Variants in HSD17B3 observed in about 807,000 individuals in gnomAD.
The protein encoded by HSD17B3 is 17-beta-hydroxysteroid dehydrogenase type 3.
A neutral mutation model predicts 41.1 loss-of-function variants in HSD17B3; 29 were observed. The ratio of observed to expected loss-of-function variants is 0.71; its 90% CI spans 0.53 to 0.96. The LOEUF (loss-of-function observed/expected upper bound fraction) is 0.96. Ranked by LOEUF, HSD17B3 falls within the 40% of genes least tolerant of loss-of-function variation. The pLI is 0.00. For missense variants in HSD17B3, 323 were observed against 374.6 expected (o/e 0.86, Z 1.14); for synonymous variants, 126 against 145.6 (o/e 0.87, Z 0.97).
chr9:96,258,479 A>T (rs1825746231), intron 2 of HSD17B3, among the ~76,000 whole-genome samples: 1 of 152,156 alleles, frequency 6.6e-6, no homozygotes, highest in African/African-American at 2.4e-5. Flanking sequence ...ATCAATCTCC[A>T]CGCCAGGGCC....
intron 2 of HSD17B3, among the ~76,000 whole-genome samples, chr9:96,284,363 C>T (rs114784340): frequency 1.4e-4 from 21 of 151,988 alleles, no homozygotes; most frequent in African/African-American, 4.8e-4. Flanking sequence ...AAGTATACTA[C>T]TGTGAACAAA....
chr9:96,276,421 A>T (rs1826461841), intron 2 of HSD17B3, among the ~76,000 whole-genome samples: 1 of 152,222 alleles, frequency 6.6e-6, no homozygotes. Flanking sequence ...TTCATATGGA[A>T]CCACAAAAGA....
chr9:96,235,755 A>G (rs1050520585), intron 10 of HSD17B3, among the ~76,000 whole-genome samples, 185 bp from the exon 11 acceptor site: 1 of 152,232 alleles, frequency 6.6e-6, no homozygotes, highest in Admixed American at 6.5e-5. Flanking sequence ...TCAGACGCCA[A>G]AGTAGCCAGT....
At chr9:96,252,677 G>A (rs1317120315) in intron 4 of HSD17B3, 126 bp downstream of exon 4, 1 of 724,066 alleles carries the variant, frequency 1.4e-6, no homozygotes, top group African/African-American at 1.7e-5. Flanking sequence ...TCAACTTAAT[G>A]GGACAGCTTA....
At chr9:96,263,083 C>T (rs771541043) in intron 2 of HSD17B3, among the ~76,000 whole-genome samples, 5 of 152,326 alleles carry the variant, frequency 3.3e-5, no homozygotes, top group South Asian at 2.1e-4. Flanking sequence ...TCAGTGACTT[C>T]GTACAAGAGG....
At chr9:96,269,357 A>T (rs74393029) in intron 2 of HSD17B3, among the ~76,000 whole-genome samples, 1,584 of 152,320 alleles carry the variant, frequency 0.01, 34 homozygotes, top group African/African-American at 0.036. Context: ...TGACCCAGTA[A>T]TTCTGTTCCT....
In HSD17B3 at chr9:96,252,885, C is replaced by CT. The variant is rs1825480876; in HGVS notation, c.302dup (p.Ile102AspfsTer10). 1.2e-6 allele frequency: 2 copies of CT among 1,611,046 alleles called. No individual in the cohort carries two copies. The highest frequency in any genetic ancestry group is 1.7e-6 in the Non-Finnish European group (2 of 1,178,072). ...CTTTTGTAAAATCTGCTTGTATAAT[C>CT]TTCACACTCCTCCCTGTAGTCCGCT... On this transcript the variant is annotated frameshift_variant, in exon 4 of 11. Transcript: ENST00000375263. LOFTEE classifies it high-confidence loss of function.
chr9:96,294,089 G>A (rs560621152), intron 2 of HSD17B3, among the ~76,000 whole-genome samples: 1 of 152,264 alleles, frequency 6.6e-6, no homozygotes, highest in Admixed American at 6.5e-5. Flanking sequence ...GAGGTTGGGA[G>A]CCCAGAAAAT....
At chr9:96,285,100 A>G (rs1826866652) in intron 2 of HSD17B3, among the ~76,000 whole-genome samples, 1 of 152,242 alleles carries the variant, frequency 6.6e-6, no homozygotes, top group South Asian at 2.1e-4. Flanking sequence ...CAGCCTCCCT[A>G]AGTGTTGGGA....
chr9:96,242,001 G>GAAAGAAAGAAAGAA (rs1554692381), intron 9 of HSD17B3, among the ~76,000 whole-genome samples: 2 of 130,504 alleles, frequency 1.5e-5, no homozygotes, highest in African/African-American at 5.9e-5. Context: ...AAGAAAGAAA[G>GAAAGAAAGAAAGAA]AAAGAGAAAG....
intron 9 of HSD17B3, among the ~76,000 whole-genome samples, chr9:96,241,912 G>C (rs1416422867): frequency 7.3e-6 from 1 of 136,566 alleles, no homozygotes; most frequent in Non-Finnish European, 1.5e-5. Context: ...TCCAGCCTAG[G>C]CTACATCAGA....
chr9:96,294,354 A>C (rs1827269699), intron 2 of HSD17B3, among the ~76,000 whole-genome samples: 1 of 152,258 alleles, frequency 6.6e-6, no homozygotes, highest in Non-Finnish European at 1.5e-5. Flanking sequence ...GCAAAGACCC[A>C]GAAGCGCAGA....
At chr9:96,261,105 C>T (rs1432395786) in intron 2 of HSD17B3, among the ~76,000 whole-genome samples, 1 of 152,182 alleles carries the variant, frequency 6.6e-6, no homozygotes, top group East Asian at 1.9e-4. Flanking sequence ...AAGTTTACTT[C>T]TTACTCATTA....
At chr9:96,250,162 A>T (rs1836838230) in intron 5 of HSD17B3, 3 of 1,224,388 alleles carry the variant, frequency 2.5e-6, no homozygotes. Context: ...ATGGTTGTAT[A>T]ATATAAGGTA....
At chr9:96,281,333 T>C (rs569788173) in intron 2 of HSD17B3, among the ~76,000 whole-genome samples, 2 of 152,094 alleles carry the variant, frequency 1.3e-5, no homozygotes, top group South Asian at 2.1e-4. Flanking sequence ...ACAGCACTGA[T>C]TGGATGGCTT....
chr9:96,273,345 A>G (rs1344093051), intron 2 of HSD17B3, among the ~76,000 whole-genome samples: 1 of 152,228 alleles, frequency 6.6e-6, no homozygotes, highest in Non-Finnish European at 1.5e-5. Flanking sequence ...AGTGGAGCAC[A>G]AAAACTGAGG....
At chr9:96,301,525 A>G (rs1037568244) in intron 1 of HSD17B3, among the ~76,000 whole-genome samples, 1 of 151,168 alleles carries the variant, frequency 6.6e-6, no homozygotes, top group African/African-American at 2.4e-5. Context: ...AGCCTGGCCA[A>G]CATGGGGGAA....
Position 96,235,383 on chromosome 9 carries a change from T to C in HSD17B3, c.*77A>G. ...TCTTCAGCGGACTAGGTTGAAGTGCTGGTCTGCTCCTCTGGTCCTCTTCAG... is the reference window on the plus strand; with the variant it reads ...TCTTCAGCGGACTAGGTTGAAGTGCCGGTCTGCTCCTCTGGTCCTCTTCAG... On this transcript the variant is annotated 3_prime_UTR_variant, in exon 11 of 11. Transcript: ENST00000375263. 1.0e-6 allele frequency: 1 copy of C among 974,964 alleles called. No homozygotes were observed. The highest frequency in any genetic ancestry group is 2.0e-5 in the Admixed American group (1 of 50,916). The allele number at this position is 974,964 out of a possible 1,614,324, so 60.4% of individuals were successfully genotyped here.
At chr9:96,238,577 G>A (rs1007103715) in intron 10 of HSD17B3, among the ~76,000 whole-genome samples, 43 of 152,084 alleles carry the variant, frequency 2.8e-4, no homozygotes, top group African/African-American at 1.0e-3. Context: ...CAGGAGAATC[G>A]CTGGAACCTG....
Sources: allele counts gnomAD v4.1 joint callset (sites outside exome capture counted in the v4.1 genomes callset), GRCh38; gene constraint gnomAD v4.1.1; transcripts MANE v1.5; gene names NCBI Gene and HGNC (gene_info 2026-07-23, HGNC 2026-07-21).